The following GHR variants were observed in gnomAD, a reference collection of about 807,000 sequenced individuals.
GHR encodes growth hormone receptor, also known as GH receptor.
In GHR, 35 loss-of-function variants were observed where a neutral mutation model predicts 67.1. That is an observed-to-expected ratio of 0.52 (90% CI 0.40 to 0.69). The LOEUF (loss-of-function observed/expected upper bound fraction) is 0.69. Ranked by LOEUF, GHR falls within the 30% of genes least tolerant of loss-of-function variation. The pLI is 0.00. For synonymous variants in GHR, 272 were observed against 269.1 expected, an observed-to-expected ratio of 1.01 and a Z score of -0.10; for missense variants, 792 against 764.6, an observed-to-expected ratio of 1.04 and a Z score of -0.42.
At chr5:42,596,093 TGA>T (rs941234150) in intron 2 of GHR, among the ~76,000 whole-genome samples, 2 of 152,162 alleles carry the variant, frequency 1.3e-5, no homozygotes, top group African/African-American at 4.8e-5. Context: ...CATATGCAGG[TGA>T]GAGTACGAAG....
chr5:42,699,537 C>A (rs531348420), intron 5 of GHR, among the ~76,000 whole-genome samples: 118 of 151,982 alleles, frequency 7.8e-4, no homozygotes, highest in Non-Finnish European at 1.5e-3. Flanking sequence ...GATATCAGAG[C>A]AAAAAGAAAT....
At chr5:42,503,662 A>T (rs1370771818) in intron 1 of GHR, among the ~76,000 whole-genome samples, 1 of 152,218 alleles carries the variant, frequency 6.6e-6, no homozygotes, top group Admixed American at 6.5e-5. Context: ...CTAAACAAAT[A>T]TATATCATGT....
rs117663065 is a variant in GHR, at chr5:42,442,359, G to A, written c.-12+18404G>A. Among the ~76,000 whole-genome samples the A allele has an allele frequency of 1.9e-4, 29 of 152,254 alleles. No individual in the cohort carries two copies. In the East Asian group the frequency reaches 5.2e-3, roughly 27 times the overall value. ...TATAAAATATATGAGCCTTTTTGGA[G>A]GTGCTCAGCAGTTTACCAGACACAG... On this transcript the variant is annotated intron_variant, in intron 1 of 9. Coordinates refer to ENST00000230882, the MANE Select transcript of GHR (RefSeq NM_000163.5).
At chr5:42,529,511 G>A (rs915007295) in intron 1 of GHR, among the ~76,000 whole-genome samples, 2 of 152,108 alleles carry the variant, frequency 1.3e-5, no homozygotes, top group African/African-American at 4.8e-5. Context: ...ATCAGAATTT[G>A]CAGGGTTGCT....
chr5:42,609,083 A>G (rs995335041), intron 2 of GHR, among the ~76,000 whole-genome samples: 8 of 152,176 alleles, frequency 5.3e-5, no homozygotes, highest in South Asian at 2.1e-4. Context: ...TCTATGTACA[A>G]GAGGGGTGAT....
intron 1 of GHR, among the ~76,000 whole-genome samples, chr5:42,553,933 G>T (rs1749169956): frequency 2.0e-5 from 3 of 152,076 alleles, no homozygotes; most frequent in South Asian, 4.1e-4. Context: ...TTGCAAAAAA[G>T]CACATTAATT....
chr5:42,681,415 T>G (rs1408339580), intron 3 of GHR, among the ~76,000 whole-genome samples: 1 of 150,872 alleles, frequency 6.6e-6, no homozygotes, highest in East Asian at 1.9e-4. Flanking sequence ...GAGATACCAT[T>G]TCACACCAGT....
chr5:42,526,382 T>A lies in GHR; in HGVS notation c.-11-39482T>A, dbSNP rs1036073929. On this transcript the variant is annotated intron_variant, in intron 1 of 9. Transcript: ENST00000230882. ...TGGAAGCTAGCAGAGGTTGGAAATT[T>A]AAGAAGCCATCTGTGTAATAACATA... is the stretch of plus-strand genomic sequence containing the variant. 3.9e-5 allele frequency among the ~76,000 whole-genome samples: 6 copies of A among 152,276 alleles called. No individual in the cohort carries two copies. In the South Asian group the frequency reaches 8.3e-4, roughly 21 times the overall value.
rs574118705 is a variant in GHR at position 42,699,883 on chromosome 5, A to G, written c.499A>G (p.Ile167Val). The G allele has an allele frequency of 3.3e-5, 53 of 1,607,752 alleles. No individual in the cohort carries two copies. Among genetic ancestry groups the G allele is most frequent in the Non-Finnish European group, 4.2e-5 (49 of 1,174,258 alleles). The change falls in exon 6 of 10, where the codon ATT becomes GTT. Residue 167 changes from isoleucine (I) to valine (V), a missense_variant. Coordinates refer to ENST00000230882, the MANE Select transcript of GHR (RefSeq NM_000163.5). The part of the protein sequence containing the change: ...WTLLNVSLTG[I>V]HADIQVRWEA... ...TTTACTGAACGTCAGTTTAACTGGG[A>G]TTCATGCAGATATCCAAGTGAGATG...
intron 1 of GHR, among the ~76,000 whole-genome samples, chr5:42,436,490 T>C (rs536065584): frequency 1.3e-5 from 2 of 152,322 alleles, no homozygotes. Context: ...CTGCCTAACA[T>C]CTGTAAAACA....
rs945434522 is a variant in GHR at position 42,640,034 on chromosome 5, G to A, written c.136+10931G>A. ...CATCCTTTTCCTCAACACTAATACT[G>A]ACACAGATAAGTAACCTAACTGCCT... is the stretch of plus-strand genomic sequence containing the variant. On this transcript the variant is annotated intron_variant, in intron 3 of 9. Transcript: ENST00000230882. Among the ~76,000 whole-genome samples the A allele has an allele frequency of 2.0e-5, 3 of 152,240 alleles. No homozygotes were observed. The East Asian group carries it at 5.8e-4, about 29-fold the overall frequency.
At chr5:42,431,082 G>A (rs1347523357) in intron 1 of GHR, among the ~76,000 whole-genome samples, 1 of 151,946 alleles carries the variant, frequency 6.6e-6, no homozygotes, top group Non-Finnish European at 1.5e-5. Flanking sequence ...ATTCTCTTCA[G>A]GGCTATTGTT....
At chr5:42,524,324 G>C (rs1338951690) in intron 1 of GHR, among the ~76,000 whole-genome samples, 2 of 152,156 alleles carry the variant, frequency 1.3e-5, no homozygotes, top group Non-Finnish European at 2.9e-5. Flanking sequence ...GGGAACTGGA[G>C]AAAATATGAC....
At position 42,646,867 on chromosome 5, in the gene GHR, G is replaced by T. The variant is rs549605178; in HGVS notation, c.136+17764G>T. On this transcript the variant is annotated intron_variant, in intron 3 of 9. Coordinates refer to ENST00000230882, the MANE Select transcript of GHR (RefSeq NM_000163.5). ...GGGAATCACTGTGGTACCAGACTGG[G>T]AATCGTGACTTGCATACTTTCTCAT... 4.2e-4 allele frequency among the ~76,000 whole-genome samples: 64 copies of T among 152,238 alleles called. No homozygotes were observed. In the South Asian group the frequency reaches 6.2e-3, roughly 15 times the overall value.
intron 1 of GHR, among the ~76,000 whole-genome samples, chr5:42,552,579 T>A (rs1272553132): frequency 6.6e-6 from 1 of 152,210 alleles, no homozygotes; most frequent in African/African-American, 2.4e-5. Flanking sequence ...GTGATTAGAC[T>A]CTAGGGGCCT....
At chr5:42,528,903 A>T (rs1316845837) in intron 1 of GHR, among the ~76,000 whole-genome samples, 1 of 152,202 alleles carries the variant, frequency 6.6e-6, no homozygotes, top group Non-Finnish European at 1.5e-5. Context: ...TCAGATGATG[A>T]TTAGCATTTT....
At chr5:42,497,045 T>G (rs759377387) in intron 1 of GHR, among the ~76,000 whole-genome samples, 2 of 152,182 alleles carry the variant, frequency 1.3e-5, no homozygotes, top group Non-Finnish European at 2.9e-5. Flanking sequence ...CCTTAAGTTC[T>G]GCTACAGCCC....
intron 1 of GHR, among the ~76,000 whole-genome samples, chr5:42,528,107 A>G (rs1465030199): frequency 1.3e-5 from 2 of 152,186 alleles, no homozygotes; most frequent in East Asian, 3.8e-4. Context: ...CGTGCCTGTT[A>G]ACACAATGTC....
At chr5:42,593,649 G>A (rs1472116648) in intron 2 of GHR, among the ~76,000 whole-genome samples, 1 of 152,182 alleles carries the variant, frequency 6.6e-6, no homozygotes, top group African/African-American at 2.4e-5. Flanking sequence ...TATAGCCTAG[G>A]ACTGGAATTT....
Sources: gnomAD v4.1 joint callset for allele counts (sites outside exome capture counted in the v4.1 genomes callset) on GRCh38, gnomAD v4.1.1 for gene constraint, MANE v1.5 for transcripts, NCBI Gene and HGNC (gene_info 2026-07-23, HGNC 2026-07-21) for gene names.